ECE1: variants seen among roughly 807,000 people sequenced by gnomAD.
The protein encoded by ECE1 is endothelin converting enzyme 1.
In ECE1, 35 loss-of-function variants were observed where a neutral mutation model predicts 98.6. That is an observed-to-expected ratio of 0.35 (90% CI 0.27 to 0.47). The LOEUF is 0.47. Ranked by LOEUF, ECE1 falls within the 20% of genes least tolerant of loss-of-function variation. The probability of loss-of-function intolerance (pLI) is 1.00; values close to 1 mark genes in which losing one functional copy is unlikely to be tolerated. For synonymous variants in ECE1, 394 were observed against 407.1 expected, an observed-to-expected ratio of 0.97 and a Z score of 0.39; for missense variants, 814 against 1,025.3, an observed-to-expected ratio of 0.79 and a Z score of 2.81.
At chr1:21,321,022 G>A (rs1381354934) in intron 1 of ECE1, among the ~76,000 whole-genome samples, 4 of 152,030 alleles carry the variant, frequency 2.6e-5, no homozygotes, top group South Asian at 2.1e-4. Flanking sequence ...GCCAGGCACC[G>A]CGCAGATATT....
Position 21,258,608 on chromosome 1 carries a change from C to CACAACCA in ECE1, c.762+84_762+85insTGGTTGT. 6.7e-7 allele frequency: 1 copy of CACAACCA among 1,500,974 alleles called. No individual in the cohort carries two copies. Among genetic ancestry groups the CACAACCA allele is most frequent in the Non-Finnish European group, 9.1e-7 (1 of 1,096,218 alleles). 93.0% of individuals were successfully genotyped at this position (1,500,974 alleles called of 1,614,324 possible). A position where few individuals can be genotyped will look rare whatever the true frequency, so the allele number is the denominator to read the frequency against. ...CCGCCGTCCCACCCAGGGCAAGCCC[C>CACAACCA]TCTCCCACCCCAGGTCCTGCTAAAC... On this transcript the variant is annotated intron_variant, in intron 6 of 18. Transcript: ENST00000374893. The surrounding 1 kb of genome is among the most constrained non-coding windows in gnomAD (Gnocchi z 4.2).
intron 1 of ECE1, among the ~76,000 whole-genome samples, chr1:21,321,620 T>C (rs1402656736): frequency 6.6e-6 from 1 of 151,874 alleles, no homozygotes; most frequent in Middle Eastern, 3.4e-3. Flanking sequence ...GATTGATTGA[T>C]TGATTGATTG....
intron 1 of ECE1, among the ~76,000 whole-genome samples, chr1:21,343,157 G>A (rs1639435693): frequency 6.6e-6 from 1 of 152,090 alleles, no homozygotes; most frequent in Admixed American, 6.6e-5. Flanking sequence ...GCCCCTGCCT[G>A]GCATATTTCT....
At chr1:21,250,695 T>G (rs1481174684) in intron 8 of ECE1, among the ~76,000 whole-genome samples, 2 of 152,038 alleles carry the variant, frequency 1.3e-5, no homozygotes, top group Non-Finnish European at 2.9e-5. Context: ...GTGAGGGAGG[T>G]AGCCATAAAC....
At chr1:21,227,813 C>T in intron 15 of ECE1, 118 bp downstream of exon 15, 1 of 784,732 alleles carries the variant, frequency 1.3e-6, no homozygotes, top group Non-Finnish European at 2.1e-6. Context: ...ACATCTCTGA[C>T]ATCTGCAACC....
At position 21,345,424 on chromosome 1, in the gene ECE1, C is replaced by T; in HGVS notation, c.-46G>A. The T allele has an allele frequency of 2.3e-6, 3 of 1,314,492 alleles. No homozygotes were observed. The highest frequency in any genetic ancestry group is 2.9e-6 in the Non-Finnish European group (3 of 1,020,982). 81.4% of individuals were successfully genotyped at this position (1,314,492 alleles called of 1,614,324 possible). A position where few individuals can be genotyped will look rare whatever the true frequency, so the allele number is the denominator to read the frequency against. On this transcript the variant is annotated 5_prime_UTR_variant, in exon 1 of 19. Coordinates refer to the ECE1 transcript ENST00000415912. This position sits in a 1 kb window ranked among gnomAD's most constrained non-coding sequence, Gnocchi z 5.1. Reference sequence around the variant, plus strand: ...GCTTCGCGCAGCTCCCCGCGCCCGGCTCCCGATTCCCAGCTCCGGGTTCCC... The same window carrying T: ...GCTTCGCGCAGCTCCCCGCGCCCGGTTCCCGATTCCCAGCTCCGGGTTCCC...
At position 21,228,006 on chromosome 1, in the gene ECE1, T is replaced by C; in HGVS notation, c.1706A>G (p.Tyr569Cys). 3 of 1,562,706 alleles carry C rather than the reference T, an allele frequency of 1.9e-6. No individual in the cohort carries two copies. The highest frequency in any genetic ancestry group is 2.6e-6 in the Non-Finnish European group (3 of 1,153,160). Residue 569 changes from tyrosine (Y) to cysteine (C), a missense_variant, in exon 15 of 19, where the codon TAC (tyrosine) becomes TGC (cysteine). Physicochemically the swap from Tyr to Cys is radical, Grantham distance 194. Transcript: ENST00000374893. ...CACAATCTCATTCTTGGTGGGCGAG[T>C]AGTAGGCGTTCACCATGGGCGGGGT... is the stretch of plus-strand genomic sequence containing the variant. The part of the protein sequence containing the change: ...SMTPPMVNAY[Y>C]SPTKNEIVFP...
intron 1 of ECE1, among the ~76,000 whole-genome samples, chr1:21,318,802 C>A (rs143189720): frequency 6.6e-6 from 1 of 152,076 alleles, no homozygotes; most frequent in African/African-American, 2.4e-5. Flanking sequence ...AAAAAGCGGA[C>A]GGGGGAGGGG....
intron 9 of ECE1, 73 bp from the exon 10 acceptor site, chr1:21,245,176 C>CAG: frequency 1.5e-6 from 2 of 1,354,360 alleles, no homozygotes; most frequent in Non-Finnish European, 2.1e-6. Context: ...CCCTGCTGGC[C>CAG]CCTAGGGGGC....
At chr1:21,279,538 C>T in intron 2 of ECE1, 1 of 1,453,486 alleles carries the variant, frequency 6.9e-7, no homozygotes, top group Non-Finnish European at 9.1e-7. Flanking sequence ...TGCTCCCAAA[C>T]ATCAGAGAGT....
chr1:21,284,831 G>A (rs1367868924), intron 2 of ECE1, among the ~76,000 whole-genome samples: 1 of 152,212 alleles, frequency 6.6e-6, no homozygotes, highest in Admixed American at 6.5e-5. Flanking sequence ...AAGCAGCAAT[G>A]GGAGTGGTCT....
At chr1:21,257,484 C>A (rs1317146833) in intron 7 of ECE1, 41 bp downstream of exon 7, 4 of 1,607,642 alleles carry the variant, frequency 2.5e-6, no homozygotes, top group East Asian at 4.5e-5. Flanking sequence ...GCAGGAAGGA[C>A]CGTGCTGGGA....
chr1:21,260,497 A>C lies in ECE1; in HGVS notation c.494-105T>G. 7.1e-7 allele frequency: 1 copy of C among 1,399,200 alleles called. No homozygotes were observed. The highest frequency in any genetic ancestry group is 1.0e-6 in the Non-Finnish European group (1 of 990,842). 86.7% of individuals were successfully genotyped at this position (1,399,200 alleles called of 1,614,324 possible). A position where few individuals can be genotyped will look rare whatever the true frequency, so the allele number is the denominator to read the frequency against. The stretch of plus-strand genomic sequence containing the variant: ...GCCTTGGTGTTCTCAGCTGCAAAGG[A>C]GCTCTGACATCTGCCTGTCGGAGTG... On this transcript the variant is annotated intron_variant, in intron 4 of 18. Coordinates refer to ENST00000374893, the MANE Select transcript of ECE1 (RefSeq NM_001397.3). This position sits in a 1 kb window ranked among gnomAD's most constrained non-coding sequence, Gnocchi z 4.3.
rs752287683 is a variant in ECE1, at chr1:21,225,342, T to C, written c.1948A>G (p.Ser650Gly). 6 of 1,614,234 alleles carry C rather than the reference T, an allele frequency of 3.7e-6. No individual in the cohort carries two copies. The highest frequency in any genetic ancestry group is 4.2e-6 in the Non-Finnish European group (5 of 1,180,046). Reference sequence around the variant, plus strand: ...GGCTCCCCGTTCACGCTGTAGTTGCTGTACTGCTCTACCATGCACTCGGTC... The same window carrying C: ...GGCTCCCCGTTCACGCTGTAGTTGCCGTACTGCTCTACCATGCACTCGGTC... ...RQTECMVEQY[S>G]NYSVNGEPVN... The change falls in exon 17 of 19, where the codon AGC becomes GGC. Residue 650 changes from serine to glycine, a missense_variant. Physicochemically the swap from Ser to Gly is moderately conservative, Grantham distance 56. This residue lies in a region of ECE1 where 452 missense variants were observed against 567.3 expected (regional missense o/e 0.80). Transcript: ENST00000374893. This position sits in a 1 kb window ranked among gnomAD's most constrained non-coding sequence, Gnocchi z 5.3.
At chr1:21,301,774 C>A (rs552353188) in intron 1 of ECE1, among the ~76,000 whole-genome samples, 1 of 140,012 alleles carries the variant, frequency 7.1e-6, no homozygotes, top group Middle Eastern at 3.5e-3. Flanking sequence ...TGCCGTGAGC[C>A]GAGATTGCAC....
At chr1:21,282,572 A>T (rs2098255984) in intron 2 of ECE1, among the ~76,000 whole-genome samples, 1 of 144,972 alleles carries the variant, frequency 6.9e-6, no homozygotes, top group Admixed American at 6.9e-5. Context: ...TGGGTGACAG[A>T]GTGAGACGCT....
chr1:21,220,727 T>C lies in ECE1; in HGVS notation c.2137-596A>G, dbSNP rs937694646. 4.6e-5 allele frequency among the ~76,000 whole-genome samples: 7 copies of C among 151,590 alleles called. No individual in the cohort carries two copies. The highest frequency in any genetic ancestry group is 3.9e-4 in the East Asian group (2 of 5,140). On this transcript the variant is annotated intron_variant, in intron 18 of 18. Coordinates refer to ENST00000374893, the MANE Select transcript of ECE1 (RefSeq NM_001397.3). This position sits in a 1 kb window ranked among gnomAD's most constrained non-coding sequence, Gnocchi z 5.0. Reference sequence around the variant, plus strand: ...AGGAGAATCACTTGAACCCGGGAGGTTGAGGTTGCAGTGAGCCAAGATCAC... The same window carrying C: ...AGGAGAATCACTTGAACCCGGGAGGCTGAGGTTGCAGTGAGCCAAGATCAC...
At chr1:21,272,493 T>C (rs1309771243) in intron 4 of ECE1, among the ~76,000 whole-genome samples, 2 of 152,208 alleles carry the variant, frequency 1.3e-5, no homozygotes, top group Non-Finnish European at 2.9e-5. Flanking sequence ...GGTTTTGCCA[T>C]GTTGGCCAGG....
At chr1:21,254,769 T>C (rs544899238) in intron 8 of ECE1, among the ~76,000 whole-genome samples, 11 of 152,318 alleles carry the variant, frequency 7.2e-5, no homozygotes, top group Admixed American at 3.9e-4. Flanking sequence ...ATCTCCATCC[T>C]GGTCTGAGCA....
Sources: gnomAD v4.1 joint callset for allele counts (sites outside exome capture counted in the v4.1 genomes callset) on GRCh38, gnomAD v4.1.1 for gene constraint, gnomAD v4.1.1 regional missense constraint, Gnocchi (gnomAD v3.1) non-coding constraint, MANE v1.5 for transcripts, NCBI Gene and HGNC (gene_info 2026-07-23, HGNC 2026-07-21) for gene names.